ARB2A: variants seen among roughly 807,000 people sequenced by gnomAD.
The protein encoded by ARB2A is ARB2 cotranscriptional regulator A.
At chr5:93,624,444 C>A in the ARB2A span, among the ~76,000 whole-genome samples, 1 of 152,182 alleles carries the variant, frequency 6.6e-6, no homozygotes, top group African/African-American at 2.4e-5. Context: ...CATTAAATAT[C>A]TGCCAAGTTC....
the ARB2A span, among the ~76,000 whole-genome samples, chr5:94,046,490 G>A: frequency 6.6e-6 from 1 of 152,116 alleles, no homozygotes; most frequent in Non-Finnish European, 1.5e-5. Context: ...CACCAGGAGG[G>A]CATGTGGAAA....
chr5:94,059,816 G>T, the ARB2A span, among the ~76,000 whole-genome samples: 1 of 150,842 alleles, frequency 6.6e-6, no homozygotes, highest in Non-Finnish European at 1.5e-5. Flanking sequence ...AAGAAATAAA[G>T]ATTTTTTTTC....
the ARB2A span, among the ~76,000 whole-genome samples, chr5:93,776,411 T>C: frequency 6.6e-6 from 1 of 152,192 alleles, no homozygotes; most frequent in Non-Finnish European, 1.5e-5. Flanking sequence ...TATTCATAAT[T>C]AACATGACTC....
the ARB2A span, among the ~76,000 whole-genome samples, chr5:93,853,324 C>T: frequency 6.6e-6 from 1 of 152,174 alleles, no homozygotes; most frequent in Admixed American, 6.5e-5. Flanking sequence ...TGAGACTTTG[C>T]TGAAGTTGCT....
the ARB2A span, among the ~76,000 whole-genome samples, chr5:93,945,622 A>T: frequency 1.3e-5 from 2 of 152,144 alleles, no homozygotes; most frequent in African/African-American, 4.8e-5. Context: ...ATCTCCCAGA[A>T]ATGACTGGAA....
At chr5:93,993,621 A>C in the ARB2A span, among the ~76,000 whole-genome samples, 1 of 152,114 alleles carries the variant, frequency 6.6e-6, no homozygotes, top group Non-Finnish European at 1.5e-5. Flanking sequence ...AGCTATTTTT[A>C]TAAAAAAAGA....
the ARB2A span, among the ~76,000 whole-genome samples, chr5:94,067,028 G>T: frequency 6.6e-6 from 1 of 152,138 alleles, no homozygotes; most frequent in Admixed American, 6.5e-5. Context: ...TGCAAGGATG[G>T]TTCAACATAT....
chr5:93,632,176 A>C, the ARB2A span, among the ~76,000 whole-genome samples: 1 of 152,226 alleles, frequency 6.6e-6, no homozygotes, highest in Admixed American at 6.5e-5. Context: ...TCAGAGAGTT[A>C]GAAGTACTAA....
At chr5:94,062,946 C>G in the ARB2A span, among the ~76,000 whole-genome samples, 1 of 152,218 alleles carries the variant, frequency 6.6e-6, no homozygotes, top group Non-Finnish European at 1.5e-5. Flanking sequence ...GCATGGCAGC[C>G]CCACAGCAGG....
At chr5:94,075,133 T>C in the ARB2A span, among the ~76,000 whole-genome samples, 3 of 152,116 alleles carry the variant, frequency 2.0e-5, no homozygotes, top group Non-Finnish European at 4.4e-5. Context: ...CTTTGGGTAG[T>C]TCCAAAAACC....
chr5:93,820,992 T>G, the ARB2A span, among the ~76,000 whole-genome samples: 1 of 152,174 alleles, frequency 6.6e-6, no homozygotes, highest in Non-Finnish European at 1.5e-5. Flanking sequence ...TAAGATTTAC[T>G]ACCATAAAAT....
chr5:93,926,865 T>C, the ARB2A span, among the ~76,000 whole-genome samples: 1 of 151,550 alleles, frequency 6.6e-6, no homozygotes, highest in African/African-American at 2.4e-5. Context: ...AGAATAAATG[T>C]AGGAGGTGAC....
At chr5:94,023,236 A>T in the ARB2A span, among the ~76,000 whole-genome samples, 5 of 152,214 alleles carry the variant, frequency 3.3e-5, no homozygotes, top group Admixed American at 6.5e-5. Context: ...GTGTAATCTT[A>T]CCCTATATGA....
the ARB2A span, among the ~76,000 whole-genome samples, chr5:93,882,816 C>A: frequency 6.6e-6 from 1 of 151,356 alleles, no homozygotes; most frequent in Non-Finnish European, 1.5e-5. Context: ...CTCACAAAAT[C>A]TATTTATTAG....
chr5:93,971,610 A>AAATAAATG, the ARB2A span, among the ~76,000 whole-genome samples: 1 of 149,562 alleles, frequency 6.7e-6, no homozygotes, highest in Non-Finnish European at 1.5e-5. Flanking sequence ...ATAAATAAAT[A>AAATAAATG]AAACAAAAAT....
the ARB2A span, among the ~76,000 whole-genome samples, chr5:93,771,925 A>C: frequency 1.3e-5 from 2 of 152,224 alleles, no homozygotes; most frequent in African/African-American, 4.8e-5. Flanking sequence ...AGAGCTAGAA[A>C]TACCATTTGA....
chr5:93,894,396 GT>G, the ARB2A span, among the ~76,000 whole-genome samples: 1 of 150,668 alleles, frequency 6.6e-6, no homozygotes, highest in Non-Finnish European at 1.5e-5. Context: ...ATTTCTTTGT[GT>G]TTTTTTAATA....
the ARB2A span, among the ~76,000 whole-genome samples, chr5:93,673,989 A>G: frequency 6.6e-6 from 1 of 152,210 alleles, no homozygotes; most frequent in Non-Finnish European, 1.5e-5. Context: ...ATAATGCCAA[A>G]ATACTCTCAG....
the ARB2A span, among the ~76,000 whole-genome samples, chr5:93,632,943 C>T: frequency 4.6e-4 from 70 of 152,166 alleles, no homozygotes; most frequent in Middle Eastern, 0.014. Context: ...CCCTTAGGAC[C>T]GTTGTGTGTG....
Sources: allele counts gnomAD v4.1 joint callset (sites outside exome capture counted in the v4.1 genomes callset), GRCh38; gene constraint gnomAD v4.1.1; transcripts MANE v1.5; gene names NCBI Gene and HGNC (gene_info 2026-07-23, HGNC 2026-07-21).